Variants in ACER3 observed in about 807,000 individuals in gnomAD.
ACER3 encodes the protein alkCDase 3.
In ACER3, 16 loss-of-function variants were observed where a neutral mutation model predicts 48.9. That is an observed-to-expected ratio of 0.33 (90% CI 0.22 to 0.50). The LOEUF is 0.50. Ranked by LOEUF, ACER3 falls within the 20% of genes least tolerant of loss-of-function variation. The pLI is 0.98. For synonymous variants in ACER3, 109 were observed against 107.8 expected (o/e 1.01, Z -0.07); for missense variants, 227 against 326.0 (o/e 0.70, Z 2.34).
At chr11:76,963,877 C>G (rs1246903191) in intron 3 of ACER3, among the ~76,000 whole-genome samples, 2 of 151,466 alleles carry the variant, frequency 1.3e-5, no homozygotes, top group East Asian at 3.9e-4. Flanking sequence ...GTCTACAACT[C>G]TCGGCGTTAG....
At chr11:76,928,929 G>C (rs1946913933) in intron 2 of ACER3, among the ~76,000 whole-genome samples, 1 of 152,178 alleles carries the variant, frequency 6.6e-6, no homozygotes, top group East Asian at 1.9e-4. Flanking sequence ...GCTTAGGATT[G>C]ACTTGGCAAT....
At chr11:76,904,437 T>A (rs568016201) in intron 1 of ACER3, among the ~76,000 whole-genome samples, 1 of 152,252 alleles carries the variant, frequency 6.6e-6, no homozygotes, top group Admixed American at 6.5e-5. Flanking sequence ...CCCATAAAGA[T>A]GTCCCACCCT....
At chr11:76,866,721 A>T (rs1166507338) in intron 1 of ACER3, among the ~76,000 whole-genome samples, 1 of 152,208 alleles carries the variant, frequency 6.6e-6, no homozygotes, top group Non-Finnish European at 1.5e-5. Context: ...TTGTAAAGAG[A>T]AGGACACTGA....
rs1413790338 is a variant in ACER3 at position 77,022,931 on chromosome 11, T to G, written c.*2604T>G. 2 of 389,134 alleles carry G rather than the reference T, an allele frequency of 5.1e-6. No individual in the cohort carries two copies. Among genetic ancestry groups the G allele is most frequent in the Non-Finnish European group, 9.1e-6 (2 of 220,608 alleles). The allele number at this position is 389,134 out of a possible 1,614,324, so 24.1% of individuals were successfully genotyped here. ...AATATAAGGATGTAAAAGAAGCAAT[T>G]TGCTTGCACATCTGAATATCCTTCT... On this transcript the variant is annotated 3_prime_UTR_variant, in exon 11 of 11. Coordinates refer to ENST00000532485, the MANE Select transcript of ACER3 (RefSeq NM_018367.7).
intron 1 of ACER3, 55 bp from the exon 2 acceptor site, chr11:76,926,498 ATCTT>A (rs1946832714): frequency 1.0e-6 from 1 of 988,532 alleles, no homozygotes; most frequent in Non-Finnish European, 1.5e-6. Context: ...ACGTGAATGT[ATCTT>A]TATTTAAAGT....
At chr11:76,934,136 C>T (rs113153306) in intron 2 of ACER3, among the ~76,000 whole-genome samples, 15,783 of 151,154 alleles carry the variant, frequency 0.1, 1,019 homozygotes, top group East Asian at 0.35. Flanking sequence ...GGAGGGCGGC[C>T]GGGCAGAGAC....
chr11:76,992,183 A>T (rs1948819417), intron 6 of ACER3, among the ~76,000 whole-genome samples: 1 of 152,188 alleles, frequency 6.6e-6, no homozygotes, highest in South Asian at 2.1e-4. Context: ...GTGAACTATG[A>T]TTGTGCCACT....
At position 76,873,578 on chromosome 11, in the gene ACER3, G is replaced by A. The variant is rs139201036; in HGVS notation, c.103+12499G>A. Among the ~76,000 whole-genome samples the A allele has an allele frequency of 5.6e-4, 85 of 152,258 alleles. 1 individual carries two copies. The highest frequency in any genetic ancestry group is 1.7e-3 in the African/African-American group (71 of 41,552). The stretch of plus-strand genomic sequence containing the variant: ...TATTTTCTCTTAGTACCTTTCCCAA[G>A]CTTAAATGAAATCACCTTTTAGTCT... On this transcript the variant is annotated intron_variant, in intron 1 of 10. Coordinates refer to ENST00000532485, the MANE Select transcript of ACER3 (RefSeq NM_018367.7).
intron 2 of ACER3, among the ~76,000 whole-genome samples, chr11:76,950,819 T>A (rs1947645393): frequency 6.6e-6 from 1 of 152,158 alleles, no homozygotes; most frequent in Non-Finnish European, 1.5e-5. Context: ...GGTTTTCTCT[T>A]GATAGCCTTG....
intron 1 of ACER3, among the ~76,000 whole-genome samples, chr11:76,886,003 A>C (rs1945662275): frequency 6.6e-6 from 1 of 152,226 alleles, no homozygotes; most frequent in African/African-American, 2.4e-5. Flanking sequence ...ATGAGAGAAG[A>C]TGACAAATAA....
At chr11:76,914,165 A>G (rs563095378) in intron 1 of ACER3, among the ~76,000 whole-genome samples, 50 of 152,348 alleles carry the variant, frequency 3.3e-4, no homozygotes, top group African/African-American at 1.1e-3. Context: ...TAAAACACCA[A>G]AAGCATGGCA....
chr11:76,905,908 A>G (rs1205624721), intron 1 of ACER3, among the ~76,000 whole-genome samples: 2 of 152,256 alleles, frequency 1.3e-5, no homozygotes, highest in East Asian at 1.9e-4. Context: ...AATGAATTAT[A>G]GTGATACACA....
At chr11:76,868,045 C>T in intron 1 of ACER3, 1 of 1,191,964 alleles carries the variant, frequency 8.4e-7, no homozygotes, top group Non-Finnish European at 1.1e-6. Flanking sequence ...CTATCTCTGC[C>T]ATACAGGTAT....
At chr11:76,879,881 G>T (rs1360355466) in intron 1 of ACER3, among the ~76,000 whole-genome samples, 2 of 151,118 alleles carry the variant, frequency 1.3e-5, no homozygotes, top group African/African-American at 4.9e-5. Context: ...TTTGACGTTT[G>T]TTTTTTGTTA....
chr11:76,870,461 T>C (rs1250322641), intron 1 of ACER3, among the ~76,000 whole-genome samples: 1 of 152,138 alleles, frequency 6.6e-6, no homozygotes, highest in Non-Finnish European at 1.5e-5. Flanking sequence ...CTTCTGTCAG[T>C]GTACACTTGG....
chr11:76,932,454 T>C (rs1016854938), intron 2 of ACER3, among the ~76,000 whole-genome samples: 2 of 152,224 alleles, frequency 1.3e-5, no homozygotes, highest in Admixed American at 1.3e-4. Flanking sequence ...AGAAAGTTAC[T>C]TGATTATCTT....
At chr11:76,990,667 T>A (rs960838771) in intron 6 of ACER3, 93 bp downstream of exon 6, 17 of 870,266 alleles carry the variant, frequency 2.0e-5, no homozygotes, top group South Asian at 1.1e-4. Context: ...CAGATAAAAA[T>A]TTTTTTAATG....
chr11:76,895,964 C>G (rs1237088242), intron 1 of ACER3, among the ~76,000 whole-genome samples: 1 of 152,132 alleles, frequency 6.6e-6, no homozygotes, highest in Non-Finnish European at 1.5e-5. Flanking sequence ...GTCCATTTCT[C>G]TTAGTCCCCC....
chr11:76,944,962 C>T (rs1291785456), intron 2 of ACER3, among the ~76,000 whole-genome samples: 1 of 150,734 alleles, frequency 6.6e-6, no homozygotes, highest in Non-Finnish European at 1.5e-5. Flanking sequence ...TCTTCAAGTT[C>T]TGAGATTCTT....
Sources: allele counts gnomAD v4.1 joint callset (sites outside exome capture counted in the v4.1 genomes callset), GRCh38; gene constraint gnomAD v4.1.1; transcripts MANE v1.5; gene names NCBI Gene and HGNC (gene_info 2026-07-23, HGNC 2026-07-21).